Variants in RPE65 observed in about 807,000 individuals in gnomAD.
The protein encoded by RPE65 is retinoid isomerohydrolase.
RPE65 carries 58 observed loss-of-function variants against 68.5 expected under a neutral mutation model. The ratio of observed to expected loss-of-function variants is 0.85; its 90% CI spans 0.69 to 1.05. The LOEUF is 1.05. Among genes scored for constraint, RPE65 ranks in the 50% least tolerant of loss-of-function variants. RPE65 has a pLI of 0.00. For missense variants in RPE65, 643 were observed against 629.9 expected, an observed-to-expected ratio of 1.02 and a Z score of -0.22; for synonymous variants, 220 against 222.2, an observed-to-expected ratio of 0.99 and a Z score of 0.09.
chr1:68,435,184 C>T (rs1645852278), intron 10 of RPE65, among the ~76,000 whole-genome samples: 1 of 37,332 alleles, frequency 2.7e-5, no homozygotes, highest in South Asian at 1.4e-3. Context: ...GCTCTTGTTT[C>T]TTTTTCTGGC....
chr1:68,443,006 C>G (rs1645914120), intron 5 of RPE65, among the ~76,000 whole-genome samples: 1 of 152,144 alleles, frequency 6.6e-6, no homozygotes, highest in Non-Finnish European at 1.5e-5. Flanking sequence ...ACCTCTTGGT[C>G]TCCCAGCTAT....
intron 10 of RPE65, among the ~76,000 whole-genome samples, chr1:68,433,104 A>G (rs1419153690): frequency 1.3e-5 from 2 of 152,190 alleles, no homozygotes; most frequent in African/African-American, 2.4e-5. Flanking sequence ...TGAGATGTCT[A>G]TTGGGCATCC....
At position 68,429,844 on chromosome 1, in the gene RPE65, C is replaced by T. The variant is rs763660740; in HGVS notation, c.1534G>A (p.Glu512Lys). ...ATCTCCACTTCAGCCCGGGCAACTT[C>T]ACTTAAGTCCTTGGCATTCAGAATC... is the stretch of plus-strand genomic sequence containing the variant. ...LLILNAKDLS[E>K]VARAEVEINI... Residue 512 changes from glutamate to lysine, a missense_variant, in exon 14 of 14, where the codon GAA becomes AAA. Coordinates refer to ENST00000262340, the MANE Select transcript of RPE65 (RefSeq NM_000329.3). 1.9e-6 allele frequency: 3 copies of T among 1,613,864 alleles called. No individual in the cohort carries two copies. The highest frequency in any genetic ancestry group is 2.5e-6 in the Non-Finnish European group (3 of 1,179,830).
Position 68,446,751 on chromosome 1 carries a change from GT to G in RPE65, c.203del (p.His68ProfsTer26). 1 of 1,614,168 alleles carries G rather than the reference GT, an allele frequency of 6.2e-7. No individual in the cohort carries two copies. Among genetic ancestry groups the G allele is most frequent in the Non-Finnish European group, 8.5e-7 (1 of 1,180,040 alleles). On this transcript the variant is annotated frameshift_variant, in exon 3 of 14. Transcript: ENST00000262340. LOFTEE classifies it high-confidence loss of function. ...CATGTCCTTCTTTAAAGTCAAACTT[GT>G]GCAGGAGGGCTTGCCCATCAAACAG... is the stretch of plus-strand genomic sequence containing the variant. ...YHLFDGQALL[H>X]KFDFKEGHVT...
chr1:68,434,097 T>TATAC (rs1419273752), intron 10 of RPE65, among the ~76,000 whole-genome samples: 7 of 131,558 alleles, frequency 5.3e-5, no homozygotes, highest in Non-Finnish European at 4.7e-5. Flanking sequence ...GAGGGATATA[T>TATAC]ATATATATAT....
Position 68,444,879 on chromosome 1 carries a change from T to C in RPE65, c.250A>G (p.Ile84Val), listed in dbSNP as rs1261322768. The C allele has an allele frequency of 3.7e-6, 6 of 1,613,892 alleles. No individual in the cohort carries two copies. Among genetic ancestry groups the C allele is most frequent in the Admixed American group, 3.3e-5 (2 of 59,994 alleles). Residue 84 changes from isoleucine (I) to valine (V), a missense_variant, in exon 4 of 14, where the codon ATC (isoleucine) becomes GTC (valine). Ile to Val is a conservative substitution (Grantham distance 29). Transcript: ENST00000262340. Reference protein sequence around the residue: ...EGHVTYHRRFIRTDAYVRAMT... With the variant: ...EGHVTYHRRFVRTDAYVRAMT... ...GCCCGTACGTAAGCATCAGTGCGGA[T>C]GAACCTGAAGGACATTGAAACATAG... is the stretch of plus-strand genomic sequence containing the variant.
Position 68,439,620 on chromosome 1 carries a change from C to G in RPE65, c.666G>C (p.Lys222Asn), listed in dbSNP as rs1208781001. Residue 222 changes from lysine (K) to asparagine (N), a missense_variant, in exon 7 of 14, where the codon AAG becomes AAC. Transcript: ENST00000262340. ...AGGGGAATTGTACAACGATCTCTGACTTGCTTATTGGATCTTCCTTGTCTG... is the reference window on the plus strand; with the variant it reads ...AGGGGAATTGTACAACGATCTCTGAGTTGCTTATTGGATCTTCCTTGTCTG... ...LQADKEDPIS[K>N]SEIVVQFPCS... The G allele has an allele frequency of 6.2e-7, 1 of 1,613,698 alleles. No individual in the cohort carries two copies. Among genetic ancestry groups the G allele is most frequent in the Admixed American group, 1.7e-5 (1 of 59,986 alleles).
intron 13 of RPE65, among the ~76,000 whole-genome samples, chr1:68,430,269 A>T (rs1351171928): frequency 6.6e-6 from 1 of 152,228 alleles, no homozygotes; most frequent in South Asian, 2.1e-4. Flanking sequence ...TAACATACAA[A>T]TATAGCACCT....
At chr1:68,440,750 A>G in intron 6 of RPE65, 103 bp downstream of exon 6, 2 of 1,446,844 alleles carry the variant, frequency 1.4e-6, no homozygotes, top group East Asian at 2.3e-5. Flanking sequence ...TAATTTAACT[A>G]TGCACAAAAT....
At chr1:68,440,301 A>G (rs964742620) in intron 6 of RPE65, among the ~76,000 whole-genome samples, 2 of 152,208 alleles carry the variant, frequency 1.3e-5, no homozygotes, top group African/African-American at 4.8e-5. Context: ...AAATAATTCC[A>G]TCATCAAGGT....
Position 68,431,367 on chromosome 1 carries a change from A to C in RPE65, c.1253T>G (p.Phe418Cys). The change falls in exon 12 of 14, where the codon TTT becomes TGT. Residue 418 changes from phenylalanine to cysteine, a missense_variant. Phe to Cys is a radical substitution (Grantham distance 205, BLOSUM62 -2). Coordinates refer to ENST00000262340, the MANE Select transcript of RPE65 (RefSeq NM_000329.3). ...ATACTTCTGGTAATTGATTTGAGGA[A>C]ACTCAAATGCTACGAAATAGAGCAC... Reference protein sequence around the residue: ...LFSGPRQAFEFPQINYQKYCG... With the variant: ...LFSGPRQAFECPQINYQKYCG... 1 of 1,613,792 alleles carries C rather than the reference A, an allele frequency of 6.2e-7. No individual in the cohort carries two copies. The highest frequency in any genetic ancestry group is 1.1e-5 in the South Asian group (1 of 91,072).
At position 68,449,942 on chromosome 1, in the gene RPE65, C is replaced by A. The variant is rs763419166; in HGVS notation, c.-37G>T. 5 of 1,613,778 alleles carry A rather than the reference C, an allele frequency of 3.1e-6. No individual in the cohort carries two copies. The South Asian group carries it at 3.3e-5, about 11-fold the overall frequency. Reference sequence around the variant, plus strand: ...TCAGGATCCAGAGTTCTGGCACCAACTGCAGAATGAAGAAGGAAGTTCTCA... The same window carrying A: ...TCAGGATCCAGAGTTCTGGCACCAAATGCAGAATGAAGAAGGAAGTTCTCA... On this transcript the variant is annotated 5_prime_UTR_variant, in exon 1 of 14. Transcript: ENST00000262340.
intron 6 of RPE65, 33 bp from the exon 7 acceptor site, chr1:68,439,675 G>T (rs1925955): frequency 1.9e-6 from 3 of 1,561,966 alleles, no homozygotes; most frequent in Admixed American, 3.3e-5. Context: ...GGCTTTGGAA[G>T]AGCCTCTTAT....
Position 68,447,903 on chromosome 1 carries a change from G to C in RPE65, c.94+721C>G, listed in dbSNP as rs1571173607. Among the ~76,000 whole-genome samples the C allele has an allele frequency of 2.0e-5, 3 of 152,204 alleles. No individual in the cohort carries two copies. The South Asian group carries it at 6.2e-4, about 32-fold the overall frequency. ...AAACAAACAAAAAAAACCCCAGGTA[G>C]GTTTATCCTTTGAGAAGGGCAGTGA... On this transcript the variant is annotated intron_variant, in intron 2 of 13. Coordinates refer to ENST00000262340, the MANE Select transcript of RPE65 (RefSeq NM_000329.3).
chr1:68,429,639 A>C lies in RPE65; in HGVS notation c.*137T>G, dbSNP rs1420302448. 9.7e-7 allele frequency: 1 copy of C among 1,027,064 alleles called. No individual in the cohort carries two copies. The highest frequency in any genetic ancestry group is 1.4e-5 in the South Asian group (1 of 71,886). 63.6% of individuals were successfully genotyped at this position (1,027,064 alleles called of 1,614,324 possible). Reference sequence around the variant, plus strand: ...GCTTGCTCAACTCAGTGCTTTCTGTAAAACATTGCAAAATTGTGCGCATCT... The same window carrying C: ...GCTTGCTCAACTCAGTGCTTTCTGTCAAACATTGCAAAATTGTGCGCATCT... On this transcript the variant is annotated 3_prime_UTR_variant, in exon 14 of 14. Coordinates refer to ENST00000262340, the MANE Select transcript of RPE65 (RefSeq NM_000329.3).
intron 1 of RPE65, among the ~76,000 whole-genome samples, chr1:68,449,188 C>T (rs1396503872): frequency 1.3e-5 from 2 of 152,134 alleles, no homozygotes; most frequent in African/African-American, 2.4e-5. Context: ...CATTTATCTC[C>T]TTCCTAGGGG....
intron 13 of RPE65, 57 bp downstream of exon 13, chr1:68,431,008 C>T (rs1219694219): frequency 7.2e-7 from 1 of 1,382,710 alleles, no homozygotes; most frequent in African/African-American, 1.4e-5. Context: ...TCCTAACGAA[C>T]TAACATACAG....
At position 68,431,063 on chromosome 1, in the gene RPE65, A is replaced by G; in HGVS notation, c.1450+2T>C. On this transcript the variant is annotated splice_donor_variant, in intron 13 of 13. Transcript: ENST00000262340. LOFTEE classifies it high-confidence loss of function. Reference sequence around the variant, plus strand: ...TTCAGACACAACAATTGCTTTCATTACCATCATCTTCTTCCAAGGCATCTG... The same window carrying G: ...TTCAGACACAACAATTGCTTTCATTGCCATCATCTTCTTCCAAGGCATCTG... 1 of 1,610,510 alleles carries G rather than the reference A, an allele frequency of 6.2e-7. No homozygotes were observed. The highest frequency in any genetic ancestry group is 8.5e-7 in the Non-Finnish European group (1 of 1,176,824).
chr1:68,436,683 G>A (rs1365635860), intron 10 of RPE65, among the ~76,000 whole-genome samples: 1 of 151,966 alleles, frequency 6.6e-6, no homozygotes, highest in Non-Finnish European at 1.5e-5. Flanking sequence ...GGTAAGGCTG[G>A]TCTTGAACTC....
Sources: gnomAD v4.1 joint callset for allele counts (sites outside exome capture counted in the v4.1 genomes callset) on GRCh38, gnomAD v4.1.1 for gene constraint, MANE v1.5 for transcripts, NCBI Gene and HGNC (gene_info 2026-07-23, HGNC 2026-07-21) for gene names.